Variants in DHRSX observed in about 807,000 individuals in gnomAD.
The protein encoded by DHRSX is dehydrogenase/reductase X-linked.
A neutral mutation model predicts 34.0 loss-of-function variants in DHRSX; 31 were observed. The observed-to-expected ratio is 0.91, with a 90% CI of 0.69 to 1.23. The LOEUF is 1.23. Ranked by LOEUF, DHRSX falls within the 50% of genes most tolerant of loss-of-function variation. The probability of loss-of-function intolerance (pLI) is 0.00; values close to 1 mark genes in which losing one functional copy is unlikely to be tolerated. For missense variants in DHRSX, 414 were observed against 428.1 expected (o/e 0.97, Z 0.29); for synonymous variants, 201 against 183.8 (o/e 1.09, Z -0.76).
At chrX:2,344,674 T>C (rs1160682435) in intron 3 of DHRSX, among the ~76,000 whole-genome samples, 1 of 151,500 alleles carries the variant, frequency 6.6e-6, no homozygotes, top group Non-Finnish European at 1.5e-5. Context: ...TGAGAACACA[T>C]GGACACAGGG....
At chrX:2,475,376 G>A (rs1268111216) in intron 1 of DHRSX, among the ~76,000 whole-genome samples, 6 of 148,264 alleles carry the variant, frequency 4.0e-5, no homozygotes, top group African/African-American at 1.3e-4. Context: ...ACACACTGAA[G>A]AGGTTCCCTA....
At chrX:2,234,562 G>C (rs1419109227) in intron 6 of DHRSX, among the ~76,000 whole-genome samples, 1 of 152,236 alleles carries the variant, frequency 6.6e-6, no homozygotes, top group Non-Finnish European at 1.5e-5. Flanking sequence ...CAACCTAAGT[G>C]TCTGTCAGCA....
At chrX:2,373,625 T>A (rs1215267948) in intron 3 of DHRSX, among the ~76,000 whole-genome samples, 2 of 152,026 alleles carry the variant, frequency 1.3e-5, no homozygotes, top group African/African-American at 4.8e-5. Flanking sequence ...AGTTATAAAT[T>A]ATCAGGTTGG....
chrX:2,431,218 G>A (rs1342909144), intron 1 of DHRSX, among the ~76,000 whole-genome samples: 4 of 151,404 alleles, frequency 2.6e-5, no homozygotes, highest in Admixed American at 1.3e-4. Context: ...CCAGCTACTC[G>A]GAAGGCTGAG....
intron 3 of DHRSX, among the ~76,000 whole-genome samples, chrX:2,306,163 C>T (rs1158449191): frequency 6.6e-6 from 1 of 151,908 alleles, no homozygotes. Context: ...AGTGTGAGAA[C>T]GGAGTAATAC....
intron 3 of DHRSX, among the ~76,000 whole-genome samples, chrX:2,377,537 C>A (rs908803875): frequency 6.6e-6 from 1 of 152,064 alleles, no homozygotes; most frequent in Non-Finnish European, 1.5e-5. Context: ...TGTGAACACA[C>A]ATGAAGCTTT....
At chrX:2,329,494 G>A (rs1844238278) in intron 3 of DHRSX, among the ~76,000 whole-genome samples, 1 of 152,106 alleles carries the variant, frequency 6.6e-6, no homozygotes, top group Non-Finnish European at 1.5e-5. Flanking sequence ...GATAGAAGAG[G>A]TCGAATTTAG....
intron 1 of DHRSX, among the ~76,000 whole-genome samples, chrX:2,426,018 A>C (rs1196211303): frequency 6.6e-6 from 1 of 152,114 alleles, no homozygotes; most frequent in Non-Finnish European, 1.5e-5. Context: ...GTGACGTGGA[A>C]TATGCAACCC....
chrX:2,489,214 C>T (rs1186674180), intron 1 of DHRSX: 2 of 1,613,736 alleles, frequency 1.2e-6, no homozygotes, highest in Non-Finnish European at 1.7e-6. Context: ...CCAGCAGGCC[C>T]TTGGCCTCTT....
At chrX:2,412,253 T>C (rs1250766104) in intron 2 of DHRSX, among the ~76,000 whole-genome samples, 1 of 152,128 alleles carries the variant, frequency 6.6e-6, no homozygotes, top group Non-Finnish European at 1.5e-5. Flanking sequence ...GGTATAGCCA[T>C]TATGGAAAAC....
chrX:2,304,156 G>T (rs1471012677), intron 3 of DHRSX, among the ~76,000 whole-genome samples: 1 of 145,444 alleles, frequency 6.9e-6, no homozygotes, highest in African/African-American at 2.6e-5. Context: ...TGGATGGATG[G>T]ATGGATGGAT....
intron 1 of DHRSX, among the ~76,000 whole-genome samples, chrX:2,485,906 GGGAA>G (rs1042745162): frequency 3.2e-4 from 47 of 148,448 alleles, no homozygotes; most frequent in African/African-American, 1.0e-3. Context: ...AAGGATGGGA[GGGAA>G]GGAAGGAAGG....
intron 6 of DHRSX, among the ~76,000 whole-genome samples, chrX:2,237,517 T>G (rs1292055838): frequency 6.6e-6 from 1 of 151,940 alleles, no homozygotes; most frequent in Non-Finnish European, 1.5e-5. Flanking sequence ...ATTTTTTTTT[T>G]TTTTTGAGAT....
intron 3 of DHRSX, among the ~76,000 whole-genome samples, chrX:2,323,167 C>A (rs1191494838): frequency 6.6e-6 from 1 of 152,146 alleles, no homozygotes; most frequent in Non-Finnish European, 1.5e-5. Flanking sequence ...GTACAAGAAC[C>A]TACCCAAAGT....
chrX:2,401,540 AGGATTACAGG>A (rs1352178442), intron 3 of DHRSX, among the ~76,000 whole-genome samples: 4 of 152,208 alleles, frequency 2.6e-5, no homozygotes, highest in African/African-American at 7.2e-5. Context: ...CTTAGGATTT[AGGATTACAGG>A]GGTTCCACCA....
intron 1 of DHRSX, among the ~76,000 whole-genome samples, chrX:2,485,533 G>T (rs1420820825): frequency 6.8e-6 from 1 of 146,936 alleles, no homozygotes; most frequent in African/African-American, 2.5e-5. Context: ...GAGGAAGGGA[G>T]GGAGGGAGAA....
At chrX:2,434,661 ACGC>A (rs1166071412) in intron 1 of DHRSX, among the ~76,000 whole-genome samples, 3 of 152,188 alleles carry the variant, frequency 2.0e-5, no homozygotes, top group African/African-American at 7.2e-5. Context: ...ACAGAGCAAG[ACGC>A]TGTCTCTTTA....
intron 3 of DHRSX, among the ~76,000 whole-genome samples, chrX:2,382,972 T>C (rs1569495785): frequency 4.9e-5 from 3 of 61,782 alleles, no homozygotes; most frequent in Non-Finnish European, 7.7e-5. Flanking sequence ...ACCATCACCA[T>C]CATCACCATC....
chrX:2,295,145 T>C (rs901938802), intron 3 of DHRSX, among the ~76,000 whole-genome samples: 1 of 152,146 alleles, frequency 6.6e-6, no homozygotes, highest in African/African-American at 2.4e-5. Flanking sequence ...TGCGGAACTA[T>C]TAACAATAGC....
Sources: gnomAD v4.1 joint callset for allele counts (sites outside exome capture counted in the v4.1 genomes callset) on GRCh38, gnomAD v4.1.1 for gene constraint, MANE v1.5 for transcripts, NCBI Gene and HGNC (gene_info 2026-07-23, HGNC 2026-07-21) for gene names.